Variants in MARCHF3 observed in about 807,000 individuals in gnomAD.
MARCHF3 encodes membrane associated ring-CH-type finger 3.
In MARCHF3, 13 loss-of-function variants were observed where a neutral mutation model predicts 24.2. That is an observed-to-expected ratio of 0.54 (90% CI 0.35 to 0.85). MARCHF3 has a LOEUF of 0.85. Among genes scored for constraint, MARCHF3 ranks in the 40% least tolerant of loss-of-function variants. The pLI, the probability that MARCHF3 is intolerant of heterozygous loss-of-function variation, is 0.01. For synonymous variants in MARCHF3, 144 were observed against 137.3 expected (o/e 1.05, Z -0.34); for missense variants, 276 against 325.0 (o/e 0.85, Z 1.16).
chr5:126,995,389 A>T (rs1401940432), intron 1 of MARCHF3, among the ~76,000 whole-genome samples: 2 of 152,212 alleles, frequency 1.3e-5, no homozygotes, highest in Non-Finnish European at 2.9e-5. Flanking sequence ...ACATGTTCCT[A>T]TCTTGCTTTT....
At chr5:126,922,411 G>T (rs962671061) in intron 1 of MARCHF3, among the ~76,000 whole-genome samples, 2 of 152,148 alleles carry the variant, frequency 1.3e-5, no homozygotes, top group Non-Finnish European at 2.9e-5. Flanking sequence ...AATTCACTTT[G>T]TAAGCAGGAA....
At chr5:126,933,634 C>A (rs1425185560) in intron 1 of MARCHF3, among the ~76,000 whole-genome samples, 1 of 152,114 alleles carries the variant, frequency 6.6e-6, no homozygotes, top group South Asian at 2.1e-4. Flanking sequence ...TTAGTAGAGA[C>A]GGGGTTTCAC....
chr5:126,996,396 A>G (rs1175611195), intron 1 of MARCHF3, among the ~76,000 whole-genome samples: 1 of 152,204 alleles, frequency 6.6e-6, no homozygotes, highest in Non-Finnish European at 1.5e-5. Flanking sequence ...TAGGTTGGTG[A>G]GTCACTTGTA....
intron 1 of MARCHF3, among the ~76,000 whole-genome samples, chr5:126,939,015 A>G (rs1224248639): frequency 6.6e-6 from 1 of 152,186 alleles, no homozygotes; most frequent in Non-Finnish European, 1.5e-5. Flanking sequence ...ATTGGTCACT[A>G]AAGTTGCAAA....
At chr5:126,933,889 A>C (rs1749556140) in intron 1 of MARCHF3, among the ~76,000 whole-genome samples, 1 of 152,244 alleles carries the variant, frequency 6.6e-6, no homozygotes, top group Admixed American at 6.5e-5. Flanking sequence ...ATTTTCATTA[A>C]AAAGAGTAAA....
rs374728904 is a variant in MARCHF3 at position 126,900,352 on chromosome 5, T to C, written c.393+14578A>G. 2.6e-5 allele frequency among the ~76,000 whole-genome samples: 4 copies of C among 152,158 alleles called. No individual in the cohort carries two copies. The East Asian group carries it at 5.8e-4, about 22-fold the overall frequency. On this transcript the variant is annotated intron_variant, in intron 3 of 4. Transcript: ENST00000308660. ...AATCCTAACCCTCAAGGTGATGGTA[T>C]TAGGAAGTGGGGCCTTTGGGAGGTG...
At chr5:126,985,463 G>C (rs1751529642) in intron 1 of MARCHF3, among the ~76,000 whole-genome samples, 1 of 149,960 alleles carries the variant, frequency 6.7e-6, no homozygotes, top group Non-Finnish European at 1.5e-5. Context: ...TAATCTGGAT[G>C]AACTTTTATT....
intron 3 of MARCHF3, among the ~76,000 whole-genome samples, chr5:126,898,310 C>A (rs1197947765): frequency 3.9e-5 from 6 of 152,026 alleles, no homozygotes; most frequent in Admixed American, 6.6e-5. Context: ...TCTAAGGAAA[C>A]CCTCCATCTT....
rs1196955209 is a variant in MARCHF3 at position 126,956,376 on chromosome 5, C to T, written c.-56-38149G>A. Among the ~76,000 whole-genome samples, 6 of 152,198 alleles carry T rather than the reference C, an allele frequency of 3.9e-5. No homozygotes were observed. The East Asian group carries it at 9.6e-4, about 24-fold the overall frequency. Reference sequence around the variant, plus strand: ...AACTAGGTCCAGGCATGGTGGCTCACGCCTGTAATCTCAGCACTTTGGGAG... The same window carrying T: ...AACTAGGTCCAGGCATGGTGGCTCATGCCTGTAATCTCAGCACTTTGGGAG... On this transcript the variant is annotated intron_variant, in intron 1 of 4. Transcript: ENST00000308660.
chr5:126,888,623 A>G (rs1267629502), intron 3 of MARCHF3, among the ~76,000 whole-genome samples: 1 of 152,252 alleles, frequency 6.6e-6, no homozygotes, highest in Non-Finnish European at 1.5e-5. Flanking sequence ...TATGTGGCAT[A>G]TCTGATCAAT....
At chr5:126,882,409 C>T (rs1753372967) in intron 3 of MARCHF3, among the ~76,000 whole-genome samples, 1 of 152,136 alleles carries the variant, frequency 6.6e-6, no homozygotes, top group Non-Finnish European at 1.5e-5. Flanking sequence ...TTTGCCAAAC[C>T]ACGATGAGGT....
At chr5:126,927,678 C>T (rs1749340603) in intron 1 of MARCHF3, among the ~76,000 whole-genome samples, 1 of 152,184 alleles carries the variant, frequency 6.6e-6, no homozygotes, top group Non-Finnish European at 1.5e-5. Flanking sequence ...CCTGGGAAGC[C>T]AAGTGTGTAA....
intron 3 of MARCHF3, among the ~76,000 whole-genome samples, chr5:126,878,742 T>C (rs897512152): frequency 1.3e-5 from 2 of 152,186 alleles, no homozygotes; most frequent in African/African-American, 4.8e-5. Context: ...AGTTCAGTCA[T>C]GTGTCCAAAG....
intron 1 of MARCHF3, among the ~76,000 whole-genome samples, chr5:126,969,496 G>C (rs994429626): frequency 9.9e-5 from 15 of 152,204 alleles, no homozygotes; most frequent in Non-Finnish European, 2.1e-4. Flanking sequence ...GTTATTTTAA[G>C]ACATTTTCTA....
rs532796170 is a variant in MARCHF3 at position 127,006,727 on chromosome 5, C to G, written c.-57+23623G>C. Among the ~76,000 whole-genome samples the G allele has an allele frequency of 6.6e-5, 10 of 152,264 alleles. No homozygotes were observed. In the South Asian group the frequency reaches 2.1e-3, roughly 32 times the overall value. Reference sequence around the variant, plus strand: ...TTTCAACAAGATACCAAACAAACTTCTGTGAGGTACAAAAGATTTTCATGG... The same window carrying G: ...TTTCAACAAGATACCAAACAAACTTGTGTGAGGTACAAAAGATTTTCATGG... On this transcript the variant is annotated intron_variant, in intron 1 of 4. Coordinates refer to ENST00000308660, the MANE Select transcript of MARCHF3 (RefSeq NM_178450.5).
intron 1 of MARCHF3, among the ~76,000 whole-genome samples, chr5:126,926,807 T>C (rs1036185945): frequency 9.9e-5 from 15 of 151,310 alleles, no homozygotes; most frequent in African/African-American, 3.4e-4. Flanking sequence ...GGTGTGGGCC[T>C]GGCAGGTAGA....
intron 1 of MARCHF3, among the ~76,000 whole-genome samples, chr5:126,978,540 G>A (rs1428360528): frequency 1.3e-5 from 2 of 152,340 alleles, no homozygotes; most frequent in East Asian, 1.9e-4. Context: ...AGATGTCAGA[G>A]TGTCCACAAT....
At chr5:126,883,751 TC>T (rs1278808428) in intron 3 of MARCHF3, among the ~76,000 whole-genome samples, 2 of 152,190 alleles carry the variant, frequency 1.3e-5, no homozygotes, top group African/African-American at 4.8e-5. Context: ...AGACTCTGCC[TC>T]CCAGGCTCTG....
At chr5:126,898,929 A>G (rs1580615990) in intron 3 of MARCHF3, 1 of 985,208 alleles carries the variant, frequency 1.0e-6, no homozygotes, top group Non-Finnish European at 1.2e-6. Context: ...ATACATTTTC[A>G]TAAGTGGCAC....
Sources: allele counts gnomAD v4.1 joint callset (sites outside exome capture counted in the v4.1 genomes callset), GRCh38; gene constraint gnomAD v4.1.1; transcripts MANE v1.5; gene names NCBI Gene and HGNC (gene_info 2026-07-23, HGNC 2026-07-21).